Variants in NETO1 observed in about 807,000 individuals in gnomAD.
NETO1 encodes neuropilin and tolloid like 1.
Under a neutral mutation model 61.3 loss-of-function variants are expected in NETO1, and 26 were observed. That is an observed-to-expected ratio of 0.42 (90% CI 0.31 to 0.59). The LOEUF (loss-of-function observed/expected upper bound fraction) is 0.59, where lower values mean the gene tolerates loss of function less well. NETO1 is among the 20% of genes least tolerant of loss of function. The probability of loss-of-function intolerance (pLI) is 0.12; values close to 1 mark genes in which losing one functional copy is unlikely to be tolerated. For missense variants in NETO1, 531 were observed against 662.8 expected (o/e 0.80, Z 2.18); for synonymous variants, 225 against 225.8 (o/e 1.00, Z 0.03).
chr18:72,825,460 C>G (rs1458905050), intron 4 of NETO1, among the ~76,000 whole-genome samples: 1 of 151,836 alleles, frequency 6.6e-6, no homozygotes, highest in Non-Finnish European at 1.5e-5. Context: ...ATTTTTGGAT[C>G]AATTTTTATT....
chr18:72,772,793 T>A (rs9319851), intron 7 of NETO1, among the ~76,000 whole-genome samples: 43,793 of 59,210 alleles, frequency 0.74, 16,285 homozygotes, highest in Admixed American at 0.82. Context: ...CTCTATATAG[T>A]TCTCTCTCTC....
intron 4 of NETO1, among the ~76,000 whole-genome samples, chr18:72,854,305 A>G (rs2145605717): frequency 6.6e-6 from 1 of 152,302 alleles, no homozygotes; most frequent in African/African-American, 2.4e-5. Flanking sequence ...GTCCTCACCT[A>G]TTTGGTACTT....
At chr18:72,753,422 T>C (rs1283827125) in intron 8 of NETO1, among the ~76,000 whole-genome samples, 2 of 152,114 alleles carry the variant, frequency 1.3e-5, no homozygotes, top group Admixed American at 1.3e-4. Flanking sequence ...CCCCAGCAGA[T>C]ACCTGTCAAC....
chr18:72,863,800 CTGTG>C (rs200750763), intron 3 of NETO1, among the ~76,000 whole-genome samples: 1 of 151,478 alleles, frequency 6.6e-6, no homozygotes, highest in Non-Finnish European at 1.5e-5. Context: ...ACAGTCTTGC[CTGTG>C]TGTGTGTGTG....
At chr18:72,777,769 G>A (rs1330845189) in intron 7 of NETO1, among the ~76,000 whole-genome samples, 1 of 152,144 alleles carries the variant, frequency 6.6e-6, no homozygotes, top group Non-Finnish European at 1.5e-5. Context: ...AAATAAATAA[G>A]AATTTTATCT....
chr18:72,774,539 T>C (rs1244828186), intron 7 of NETO1, among the ~76,000 whole-genome samples: 1 of 152,180 alleles, frequency 6.6e-6, no homozygotes, highest in Non-Finnish European at 1.5e-5. Context: ...AAATCTTAAA[T>C]TGAGTCCATA....
At chr18:72,814,335 G>C (rs566268816) in intron 4 of NETO1, among the ~76,000 whole-genome samples, 1 of 152,216 alleles carries the variant, frequency 6.6e-6, no homozygotes, top group African/African-American at 2.4e-5. Context: ...ATTTTGAGAA[G>C]AGAATGTATA....
At chr18:72,748,846 A>C (rs2070493754) in intron 10 of NETO1, among the ~76,000 whole-genome samples, 168 bp downstream of exon 10, 1 of 152,152 alleles carries the variant, frequency 6.6e-6, no homozygotes, top group African/African-American at 2.4e-5. Context: ...CCCGAGAATC[A>C]TCTCTCCTAT....
intron 4 of NETO1, chr18:72,834,399 A>C: frequency 1.1e-6 from 1 of 950,412 alleles, no homozygotes; most frequent in Non-Finnish European, 1.3e-6. Context: ...AGATTTAATG[A>C]AGGGAGTATA....
chr18:72,861,895 A>G (rs1385396124), intron 3 of NETO1, among the ~76,000 whole-genome samples: 1 of 152,132 alleles, frequency 6.6e-6, no homozygotes, highest in Non-Finnish European at 1.5e-5. Flanking sequence ...CAAACTCTTA[A>G]TTGCTTCATG....
chr18:72,800,302 C>T (rs879725944), intron 4 of NETO1, among the ~76,000 whole-genome samples: 9 of 152,196 alleles, frequency 5.9e-5, no homozygotes, highest in Admixed American at 1.3e-4. Flanking sequence ...AATCTCCATA[C>T]GTGCTGGATT....
At chr18:72,835,489 A>G (rs1297164931) in intron 4 of NETO1, among the ~76,000 whole-genome samples, 1 of 152,194 alleles carries the variant, frequency 6.6e-6, no homozygotes, top group East Asian at 1.9e-4. Context: ...TCAGGTATGA[A>G]ATTAGGAAAG....
At chr18:72,779,119 T>C (rs1240472867) in intron 7 of NETO1, among the ~76,000 whole-genome samples, 3 of 152,300 alleles carry the variant, frequency 2.0e-5, no homozygotes, top group African/African-American at 7.2e-5. Context: ...TACTTTCTTA[T>C]TACTTGAATA....
At chr18:72,851,289 T>C (rs1235438324) in intron 4 of NETO1, among the ~76,000 whole-genome samples, 1 of 152,058 alleles carries the variant, frequency 6.6e-6, no homozygotes, top group African/African-American at 2.4e-5. Flanking sequence ...CGCATGCTTG[T>C]AATCCCAGCA....
chr18:72,786,299 T>C (rs1209102822), intron 6 of NETO1, among the ~76,000 whole-genome samples: 1 of 152,202 alleles, frequency 6.6e-6, no homozygotes, highest in African/African-American at 2.4e-5. Flanking sequence ...AGACGAAATG[T>C]TGCAGACTTG....
At chr18:72,766,284 G>T (rs2071157752) in intron 7 of NETO1, among the ~76,000 whole-genome samples, 1 of 149,818 alleles carries the variant, frequency 6.7e-6, no homozygotes, top group South Asian at 2.1e-4. Context: ...TTTTAATTGT[G>T]GTACTCTACA....
At chr18:72,836,204 T>C (rs2073743504) in intron 4 of NETO1, among the ~76,000 whole-genome samples, 2 of 152,190 alleles carry the variant, frequency 1.3e-5, no homozygotes, top group East Asian at 3.9e-4. Context: ...TTGCACAGGC[T>C]GTTTCCACTG....
chr18:72,801,183 G>A (rs1332421890), intron 4 of NETO1, among the ~76,000 whole-genome samples: 2 of 152,124 alleles, frequency 1.3e-5, no homozygotes, highest in Non-Finnish European at 2.9e-5. Context: ...TTGGAAATGC[G>A]AAACTCCGTC....
chr18:72,794,114 G>T lies in NETO1; in HGVS notation c.639+3C>A. ...CAAGTGTGGGTTTCATCTTAAGACTGACCTTGGACCGTGGAGGTGCTCGGA... is the reference window on the plus strand; with the variant it reads ...CAAGTGTGGGTTTCATCTTAAGACTTACCTTGGACCGTGGAGGTGCTCGGA... On this transcript the variant is annotated splice_donor_region_variant and intron_variant, in intron 6 of 10. Transcript: ENST00000327305. The T allele has an allele frequency of 1.9e-6, 3 of 1,614,124 alleles. No homozygotes were observed. The highest frequency in any genetic ancestry group is 2.5e-6 in the Non-Finnish European group (3 of 1,180,022).
Sources: allele counts gnomAD v4.1 joint callset (sites outside exome capture counted in the v4.1 genomes callset), GRCh38; gene constraint gnomAD v4.1.1; transcripts MANE v1.5; gene names NCBI Gene and HGNC (gene_info 2026-07-23, HGNC 2026-07-21).